Variants in BAALC observed in about 807,000 individuals in gnomAD.
BAALC encodes the protein brain and acute leukemia cytoplasmic protein.
BAALC carries 9 observed loss-of-function variants against 15.5 expected under a neutral mutation model. The observed-to-expected ratio is 0.58, with a 90% CI of 0.35 to 1.02. The LOEUF (loss-of-function observed/expected upper bound fraction) is 1.02, where lower values mean the gene tolerates loss of function less well. Ranked by LOEUF, BAALC falls within the 50% of genes least tolerant of loss-of-function variation. The pLI, the probability that BAALC is intolerant of heterozygous loss-of-function variation, is 0.02. For missense variants in BAALC, 201 were observed against 192.4 expected, an observed-to-expected ratio of 1.04 and a Z score of -0.27; for synonymous variants, 80 against 74.6, an observed-to-expected ratio of 1.07 and a Z score of -0.37.
At chr8:103,181,021 T>A (rs1179527037) in intron 1 of BAALC, among the ~76,000 whole-genome samples, 2 of 152,062 alleles carry the variant, frequency 1.3e-5, no homozygotes, top group Non-Finnish European at 2.9e-5. Flanking sequence ...GGATATAAGA[T>A]GTAGAGTTTA....
chr8:103,202,350 A>G (rs911506896), intron 1 of BAALC, among the ~76,000 whole-genome samples: 1 of 152,212 alleles, frequency 6.6e-6, no homozygotes, highest in Non-Finnish European at 1.5e-5. Context: ...ACACAGACAC[A>G]CTCAGAGGGA....
intron 1 of BAALC, among the ~76,000 whole-genome samples, chr8:103,143,000 C>T (rs996716528): frequency 2.0e-5 from 3 of 152,170 alleles, no homozygotes; most frequent in Non-Finnish European, 2.9e-5. Context: ...ATTGGCAAGA[C>T]GCTTGTATGG....
chr8:103,205,484 C>T (rs1812307593), intron 1 of BAALC, among the ~76,000 whole-genome samples: 1 of 152,154 alleles, frequency 6.6e-6, no homozygotes, highest in African/African-American at 2.4e-5. Flanking sequence ...TACATGAGTA[C>T]TTTGTGACCC....
intron 1 of BAALC, among the ~76,000 whole-genome samples, chr8:103,148,022 G>T (rs569601442): frequency 6.6e-6 from 1 of 152,264 alleles, no homozygotes; most frequent in East Asian, 1.9e-4. Context: ...GTTGTTATGT[G>T]CTGATTTGTG....
chr8:103,181,663 G>A lies in BAALC; in HGVS notation c.161-31256G>A, dbSNP rs138594796. 9.5e-4 allele frequency among the ~76,000 whole-genome samples: 144 copies of A among 152,168 alleles called. 1 individual carries two copies. The highest frequency in any genetic ancestry group is 3.3e-3 in the African/African-American group (136 of 41,490). The stretch of plus-strand genomic sequence containing the variant: ...TGTCTTAGTGTACATTGATTTCCTC[G>A]GGACCTAGGGCCACAGCTACAGGGG... On this transcript the variant is annotated intron_variant, in intron 1 of 2. Transcript: ENST00000309982.
At position 103,141,040 on chromosome 8, in the gene BAALC, C is replaced by T; in HGVS notation, c.143C>T (p.Ala48Val). Residue 48 changes from alanine to valine, a missense_variant, in exon 1 of 3, where the codon GCG (alanine) becomes GTG (valine). Coordinates refer to ENST00000309982, the MANE Select transcript of BAALC (RefSeq NM_024812.3). ...SAAAPDSGPE[A>V]GGLHSGMLED... ...GCCGCCCCGGACAGCGGCCCCGAAG[C>T]GGGCGGCCTGCACTCGGGTAAGTGG... is the stretch of plus-strand genomic sequence containing the variant. 2 of 1,503,622 alleles carry T rather than the reference C, an allele frequency of 1.3e-6. No individual in the cohort carries two copies. Among genetic ancestry groups the T allele is most frequent in the Non-Finnish European group, 1.8e-6 (2 of 1,126,234 alleles). The allele number at this position is 1,503,622 out of a possible 1,614,324, so 93.1% of individuals were successfully genotyped here.
intron 1 of BAALC, among the ~76,000 whole-genome samples, chr8:103,201,815 TA>T (rs1195511693): frequency 6.6e-6 from 1 of 152,086 alleles, no homozygotes; most frequent in Non-Finnish European, 1.5e-5. Flanking sequence ...AGGTACCAAA[TA>T]AATAGTTTTC....
intron 1 of BAALC, among the ~76,000 whole-genome samples, chr8:103,150,351 GTC>G (rs869075109): frequency 0.28 from 41,493 of 150,484 alleles, 5,760 homozygotes; most frequent in East Asian, 0.42. Context: ...GTGTGTGTGT[GTC>G]TGTGTGTCTG....
chr8:103,187,820 A>C (rs1240292039), intron 1 of BAALC, among the ~76,000 whole-genome samples: 1 of 152,058 alleles, frequency 6.6e-6, no homozygotes, highest in East Asian at 1.9e-4. Flanking sequence ...TCTGGCACCC[A>C]CCAGTTGGTC....
At chr8:103,154,040 A>G (rs980778516) in intron 1 of BAALC, among the ~76,000 whole-genome samples, 3 of 152,200 alleles carry the variant, frequency 2.0e-5, no homozygotes, top group African/African-American at 7.2e-5. Context: ...ATTACCTCCA[A>G]GAATCACTTT....
At chr8:103,154,898 T>G (rs1427441831) in intron 1 of BAALC, among the ~76,000 whole-genome samples, 1 of 149,396 alleles carries the variant, frequency 6.7e-6, no homozygotes, top group Non-Finnish European at 1.5e-5. Context: ...ACCTGTGATG[T>G]GGGCCTCTTA....
intron 1 of BAALC, among the ~76,000 whole-genome samples, chr8:103,151,510 G>A (rs1810988954): frequency 6.6e-6 from 1 of 152,104 alleles, no homozygotes; most frequent in Non-Finnish European, 1.5e-5. Context: ...CCTCACGCTT[G>A]CACCAGGCTT....
At position 103,157,981 on chromosome 8, in the gene BAALC, A is replaced by G. The variant is rs377005739; in HGVS notation, c.160+16924A>G. On this transcript the variant is annotated intron_variant, in intron 1 of 2. Coordinates refer to ENST00000309982, the MANE Select transcript of BAALC (RefSeq NM_024812.3). ...AAAATTCCTTAATTCTTAATTCTCT[A>G]ATGTAATAAAAATTCAGCCAGTGCC... Among the ~76,000 whole-genome samples, 56 of 152,300 alleles carry G rather than the reference A, an allele frequency of 3.7e-4. 1 individual carries two copies. The South Asian group carries it at 0.011, about 29-fold the overall frequency.
intron 2 of BAALC, among the ~76,000 whole-genome samples, chr8:103,218,365 CCA>C (rs143927626): frequency 0.14 from 21,108 of 151,978 alleles, 1,708 homozygotes; most frequent in South Asian, 0.22. Flanking sequence ...CTTACTGACT[CCA>C]GAGTGTCTGA....
At chr8:103,222,073 T>C (rs543776420) in intron 2 of BAALC, among the ~76,000 whole-genome samples, 16 of 152,308 alleles carry the variant, frequency 1.1e-4, no homozygotes, top group African/African-American at 3.8e-4. Flanking sequence ...TTAAACATTT[T>C]CTGGTTGAGT....
intron 1 of BAALC, among the ~76,000 whole-genome samples, chr8:103,177,553 C>T (rs764772426): frequency 2.0e-5 from 3 of 152,176 alleles, no homozygotes; most frequent in Non-Finnish European, 2.9e-5. Context: ...TCTGTGTTCC[C>T]CTAGGACCGC....
At chr8:103,209,318 G>A (rs1265311154) in intron 1 of BAALC, among the ~76,000 whole-genome samples, 1 of 152,098 alleles carries the variant, frequency 6.6e-6, no homozygotes, top group East Asian at 1.9e-4. Flanking sequence ...GCTGCAGTGA[G>A]TTGAGATCAT....
At chr8:103,227,838 A>C (rs1812839953) in intron 2 of BAALC, 151 bp from the exon 3 acceptor site, 1 of 603,380 alleles carries the variant, frequency 1.7e-6, no homozygotes. Flanking sequence ...TTTTGCACAG[A>C]TCACAAATGT....
intron 2 of BAALC, among the ~76,000 whole-genome samples, chr8:103,217,045 G>A (rs372257479): frequency 2.0e-5 from 3 of 152,308 alleles, no homozygotes; most frequent in South Asian, 4.1e-4. Context: ...AGTGGAAACT[G>A]TCACAGAGGA....
Sources: allele counts gnomAD v4.1 joint callset (sites outside exome capture counted in the v4.1 genomes callset), GRCh38; gene constraint gnomAD v4.1.1; transcripts MANE v1.5; gene names NCBI Gene and HGNC (gene_info 2026-07-23, HGNC 2026-07-21).